Variants in GPC6 observed in about 807,000 individuals in gnomAD.
The protein encoded by GPC6 is glypican-6.
GPC6 carries 14 observed loss-of-function variants against 55.2 expected under a neutral mutation model. The ratio of observed to expected loss-of-function variants is 0.25; its 90% CI spans 0.17 to 0.40. The LOEUF is 0.40. Among genes scored for constraint, GPC6 ranks in the 10% least tolerant of loss-of-function variants. The probability of loss-of-function intolerance (pLI) is 1.00; values close to 1 mark genes in which losing one functional copy is unlikely to be tolerated. For synonymous variants in GPC6, 278 were observed against 259.6 expected, an observed-to-expected ratio of 1.07 and a Z score of -0.68; for missense variants, 641 against 708.5, an observed-to-expected ratio of 0.90 and a Z score of 1.08.
intron 1 of GPC6, among the ~76,000 whole-genome samples, chr13:93,429,354 G>A (rs560154536): frequency 8.5e-5 from 13 of 152,194 alleles, no homozygotes; most frequent in African/African-American, 3.1e-4. Flanking sequence ...GGCTACAAAG[G>A]ATATTTCTAC....
intron 3 of GPC6, among the ~76,000 whole-genome samples, chr13:94,006,482 G>A (rs1376354496): frequency 6.6e-6 from 1 of 152,208 alleles, no homozygotes; most frequent in African/African-American, 2.4e-5. Flanking sequence ...AGGCAAGAAT[G>A]TGGTGTGTGT....
rs1251512502 is a variant in GPC6, at chr13:94,403,329, A to G, written c.*112A>G. ...ATGCCACAAAAACTTACCGTTTTCT[A>G]TGAGAAGAGAGCAGTAATGCAATCT... On this transcript the variant is annotated 3_prime_UTR_variant, in exon 9 of 9. Coordinates refer to ENST00000377047, the MANE Select transcript of GPC6 (RefSeq NM_005708.5). The G allele has an allele frequency of 1.1e-5, 9 of 798,860 alleles. No individual in the cohort carries two copies. The highest frequency in any genetic ancestry group is 4.0e-5 in the Admixed American group (2 of 50,294). The allele number at this position is 798,860 out of a possible 1,614,324, so 49.5% of individuals were successfully genotyped here. A position where few individuals can be genotyped will look rare whatever the true frequency, so the allele number is the denominator to read the frequency against.
rs1469230160 is a variant in GPC6, at chr13:93,227,044, GGCGC to G, written c.-408_-405del. ...TGTCCATCTCCCTCCCGGGGGAGCC[GGCGC>G]GCGCTCCCACCTTTGCCGCACACTC... On this transcript the variant is annotated 5_prime_UTR_variant, in exon 1 of 9. Transcript: ENST00000377047. The surrounding 1 kb of genome is among the most constrained non-coding windows in gnomAD (Gnocchi z 4.3). The G allele has an allele frequency of 6.2e-6, 1 of 160,730 alleles. No homozygotes were observed. The highest frequency in any genetic ancestry group is 6.3e-5 in the Admixed American group (1 of 15,760). The allele number at this position is 160,730 out of a possible 1,614,324, so 10.0% of individuals were successfully genotyped here.
chr13:93,389,767 A>C (rs370373916), intron 1 of GPC6, among the ~76,000 whole-genome samples: 20 of 151,840 alleles, frequency 1.3e-4, no homozygotes, highest in African/African-American at 4.8e-4. Flanking sequence ...TTATTTATTT[A>C]TTTACATATA....
chr13:93,570,644 G>A (rs1876357486), intron 2 of GPC6, among the ~76,000 whole-genome samples: 1 of 152,138 alleles, frequency 6.6e-6, no homozygotes, highest in Non-Finnish European at 1.5e-5. Flanking sequence ...AGTTGAGTGA[G>A]TAGATATCAC....
chr13:94,244,466 T>C (rs1314771303), intron 4 of GPC6, among the ~76,000 whole-genome samples: 2 of 151,902 alleles, frequency 1.3e-5, no homozygotes, highest in African/African-American at 4.8e-5. Context: ...ACACAATAGA[T>C]CTATAACTTG....
chr13:93,985,609 T>C lies in GPC6; in HGVS notation c.712-42120T>C, dbSNP rs1275512766. ...CAGGAGGATGAGGTGGGAGGATCCATTGAGCCCAGGAATTCCAGGCCACAG... is the reference window on the plus strand; with the variant it reads ...CAGGAGGATGAGGTGGGAGGATCCACTGAGCCCAGGAATTCCAGGCCACAG... On this transcript the variant is annotated intron_variant, in intron 3 of 8. Coordinates refer to ENST00000377047, the MANE Select transcript of GPC6 (RefSeq NM_005708.5). 3.5e-5 allele frequency among the ~76,000 whole-genome samples: 5 copies of C among 142,182 alleles called. No homozygotes were observed. The Admixed American group carries it at 4.0e-4, about 11-fold the overall frequency. 93.3% of individuals were successfully genotyped at this position (142,182 alleles called of 152,430 possible).
intron 2 of GPC6, among the ~76,000 whole-genome samples, chr13:93,605,128 A>G (rs1340152034): frequency 1.3e-5 from 2 of 152,150 alleles, no homozygotes; most frequent in East Asian, 3.8e-4. Flanking sequence ...ACTAGATATC[A>G]GATAGTCAGC....
chr13:94,194,211 C>T (rs746806869), intron 4 of GPC6, among the ~76,000 whole-genome samples: 1 of 151,890 alleles, frequency 6.6e-6, no homozygotes, highest in Non-Finnish European at 1.5e-5. Flanking sequence ...CTGATTTAGC[C>T]AATAAAAGTA....
At chr13:93,912,107 G>A (rs2140336706) in intron 3 of GPC6, among the ~76,000 whole-genome samples, 1 of 152,290 alleles carries the variant, frequency 6.6e-6, no homozygotes, top group South Asian at 2.1e-4. Context: ...TAATTACAAT[G>A]GGATCCATTC....
chr13:94,219,089 C>T (rs1035116205), intron 4 of GPC6, among the ~76,000 whole-genome samples: 3 of 152,138 alleles, frequency 2.0e-5, no homozygotes, highest in Admixed American at 2.0e-4. Context: ...GTGTCTTTAA[C>T]TTCCTTTTTC....
At chr13:93,836,420 G>A (rs1488784717) in intron 3 of GPC6, among the ~76,000 whole-genome samples, 1 of 152,196 alleles carries the variant, frequency 6.6e-6, no homozygotes, top group African/African-American at 2.4e-5. Context: ...TCCTTCTGTG[G>A]TGGTTTTTGG....
chr13:93,576,630 C>T (rs760861199), intron 2 of GPC6, among the ~76,000 whole-genome samples: 1 of 152,012 alleles, frequency 6.6e-6, no homozygotes, highest in Non-Finnish European at 1.5e-5. Flanking sequence ...TTCAACTTTA[C>T]AGCTCATTAT....
chr13:93,585,789 G>T (rs544689730), intron 2 of GPC6, among the ~76,000 whole-genome samples: 1 of 152,242 alleles, frequency 6.6e-6, no homozygotes, highest in Non-Finnish European at 1.5e-5. Context: ...GTCAGCCAAT[G>T]CACACTAGGC....
chr13:93,256,667 T>A (rs939279502), intron 1 of GPC6, among the ~76,000 whole-genome samples: 10 of 152,144 alleles, frequency 6.6e-5, no homozygotes, highest in South Asian at 2.1e-4. Flanking sequence ...GTTGACTAAG[T>A]CCTGTATGTT....
At chr13:93,612,386 C>T (rs143178457) in intron 2 of GPC6, among the ~76,000 whole-genome samples, 3 of 152,036 alleles carry the variant, frequency 2.0e-5, no homozygotes, top group African/African-American at 7.2e-5. Flanking sequence ...GTTGTCCCAG[C>T]TACTAGGGAG....
At chr13:94,335,901 ATTTTTTT>A (rs57333414) in intron 6 of GPC6, among the ~76,000 whole-genome samples, 20 of 147,070 alleles carry the variant, frequency 1.4e-4, no homozygotes, top group African/African-American at 4.0e-4. Context: ...TGTTGTTGTG[ATTTTTTT>A]TTTTTTTTTT....
At chr13:93,541,926 C>G (rs902050633) in intron 1 of GPC6, among the ~76,000 whole-genome samples, 10 of 151,892 alleles carry the variant, frequency 6.6e-5, no homozygotes, top group Non-Finnish European at 1.3e-4. Context: ...GATATTAGCC[C>G]TTTGTCAGAT....
At chr13:93,858,691 G>T (rs576639298) in intron 3 of GPC6, among the ~76,000 whole-genome samples, 23 of 151,678 alleles carry the variant, frequency 1.5e-4, no homozygotes, top group Non-Finnish European at 3.1e-4. Flanking sequence ...GTTTGCAAAA[G>T]AGTATGAGAA....
Sources: allele counts gnomAD v4.1 joint callset (sites outside exome capture counted in the v4.1 genomes callset), GRCh38; gene constraint gnomAD v4.1.1; non-coding constraint Gnocchi (gnomAD v3.1); transcripts MANE v1.5; gene names NCBI Gene and HGNC (gene_info 2026-07-23, HGNC 2026-07-21).